Variants in PDSS2 observed in about 807,000 individuals in gnomAD.
The protein encoded by PDSS2 is decaprenyl diphosphate synthase subunit 2, also known as all trans-polyprenyl-diphosphate synthase PDSS2.
A neutral mutation model predicts 44.5 loss-of-function variants in PDSS2; 31 were observed. That is an observed-to-expected ratio of 0.70 (90% confidence interval 0.52 to 0.94). PDSS2 has a LOEUF of 0.94. PDSS2 is among the 40% of genes least tolerant of loss of function. The pLI, the probability that PDSS2 is intolerant of heterozygous loss-of-function variation, is 0.00. For missense variants in PDSS2, 452 were observed against 482.2 expected (o/e 0.94, Z 0.59); for synonymous variants, 157 against 180.3 (o/e 0.87, Z 1.03).
rs937639170 is a variant in PDSS2 at position 107,285,630 on chromosome 6, T to A, written c.432-11403A>T. The stretch of plus-strand genomic sequence containing the variant: ...ACAATTCAAATCATTAGGGAAAAGA[T>A]GGATTATTCTTACAAATGATATTGG... On this transcript the variant is annotated intron_variant, in intron 2 of 7. Transcript: ENST00000369037. Among the ~76,000 whole-genome samples the A allele has an allele frequency of 2.0e-5, 3 of 152,160 alleles. No individual in the cohort carries two copies. In the South Asian group the frequency reaches 6.2e-4, roughly 32 times the overall value.
chr6:107,258,910 A>G (rs559319680), intron 3 of PDSS2, among the ~76,000 whole-genome samples: 2 of 152,368 alleles, frequency 1.3e-5, no homozygotes, highest in South Asian at 4.1e-4. Flanking sequence ...CAGGATTGAT[A>G]ACTGCAAAAT....
intron 2 of PDSS2, among the ~76,000 whole-genome samples, chr6:107,278,786 G>C (rs1488097263): frequency 6.6e-6 from 1 of 152,044 alleles, no homozygotes; most frequent in Non-Finnish European, 1.5e-5. Context: ...TACAGGGTCT[G>C]CCATTTAAAA....
At chr6:107,453,375 T>TA (rs950405890) in intron 1 of PDSS2, among the ~76,000 whole-genome samples, 2 of 152,200 alleles carry the variant, frequency 1.3e-5, no homozygotes, top group Admixed American at 6.5e-5. Context: ...CATTGATTTT[T>TA]AAAAAATACT....
Position 107,156,413 on chromosome 6 carries a change from C to T in PDSS2, c.1042-1636G>A, listed in dbSNP as rs542881210. On this transcript the variant is annotated intron_variant, in intron 7 of 7. Transcript: ENST00000369037. ...GTTTCACCGTGTTAGCCAGGATGGT[C>T]TCCATCTCCTGACCTTGTGATCCGC... Among the ~76,000 whole-genome samples, 24 of 152,146 alleles carry T rather than the reference C, an allele frequency of 1.6e-4. No homozygotes were observed. In the East Asian group the frequency reaches 4.5e-3, roughly 28 times the overall value.
chr6:107,406,708 C>T (rs1780330849), intron 1 of PDSS2, among the ~76,000 whole-genome samples: 1 of 152,184 alleles, frequency 6.6e-6, no homozygotes, highest in South Asian at 2.1e-4. Flanking sequence ...GCTAACTAAG[C>T]CCTTCAGCTA....
At chr6:107,326,104 CTTTTTTT>C (rs1177945820) in intron 2 of PDSS2, among the ~76,000 whole-genome samples, 2 of 136,238 alleles carry the variant, frequency 1.5e-5, no homozygotes, top group East Asian at 2.1e-4. Flanking sequence ...TTTCTTTTTT[CTTTTTTT>C]TTTTTTTTTG....
intron 1 of PDSS2, among the ~76,000 whole-genome samples, chr6:107,410,409 C>T (rs1780452935): frequency 6.6e-6 from 1 of 152,182 alleles, no homozygotes; most frequent in Non-Finnish European, 1.5e-5. Flanking sequence ...CACACACACC[C>T]ATAAAACACT....
At chr6:107,342,340 T>C (rs763342075) in intron 1 of PDSS2, among the ~76,000 whole-genome samples, 13 of 152,162 alleles carry the variant, frequency 8.5e-5, no homozygotes, top group Non-Finnish European at 1.5e-4. Flanking sequence ...CATCCAACCA[T>C]TCAGCTCTGA....
intron 1 of PDSS2, among the ~76,000 whole-genome samples, chr6:107,419,226 A>G (rs1357738601): frequency 6.6e-6 from 1 of 152,210 alleles, no homozygotes; most frequent in East Asian, 1.9e-4. Context: ...AGAAATGGAT[A>G]TCAATCTAAA....
chr6:107,359,027 T>TC (rs1778677924), intron 1 of PDSS2, among the ~76,000 whole-genome samples: 1 of 149,246 alleles, frequency 6.7e-6, no homozygotes, highest in African/African-American at 2.5e-5. Context: ...TTTTTTTTTT[T>TC]TGAGATGAGT....
chr6:107,396,086 G>C (rs913452976), intron 1 of PDSS2, among the ~76,000 whole-genome samples: 1 of 152,076 alleles, frequency 6.6e-6, no homozygotes, highest in African/African-American at 2.4e-5. Context: ...ATGATTTCTG[G>C]TCCTGTATGT....
chr6:107,405,537 C>T (rs539455860), intron 1 of PDSS2, among the ~76,000 whole-genome samples: 117 of 152,008 alleles, frequency 7.7e-4, no homozygotes, highest in Non-Finnish European at 1.5e-3. Context: ...AATGTAAATG[C>T]ATTAAATGCT....
intron 2 of PDSS2, among the ~76,000 whole-genome samples, chr6:107,295,159 C>T (rs1279431753): frequency 6.6e-6 from 1 of 152,138 alleles, no homozygotes; most frequent in East Asian, 1.9e-4. Flanking sequence ...GTCTTGAACT[C>T]CTGACCTTAG....
chr6:107,212,258 C>T lies in PDSS2; in HGVS notation c.727G>A (p.Gly243Arg), dbSNP rs1330739230. 1.2e-6 allele frequency: 2 copies of T among 1,613,330 alleles called. No homozygotes were observed. The highest frequency in any genetic ancestry group is 1.7e-6 in the Non-Finnish European group (2 of 1,179,494). The change falls in exon 5 of 8, where the codon GGA becomes AGA. Residue 243 changes from glycine (G) to arginine (R), a missense_variant. By Grantham distance (125) the Gly-to-Arg change is moderately radical. Transcript: ENST00000369037. The part of the protein sequence containing the change: ...SKESYITDDI[G>R]ISTWKEQTFL... Reference sequence around the variant, plus strand: ...GTCTGCTCCTTCCAAGTCGATATTCCAATATCATCTGTGATATAACTTTCC... The same window carrying T: ...GTCTGCTCCTTCCAAGTCGATATTCTAATATCATCTGTGATATAACTTTCC...
rs574247009 is a variant in PDSS2 at position 107,457,295 on chromosome 6, C to T, written c.296+1695G>A. On this transcript the variant is annotated intron_variant, in intron 1 of 7. Transcript: ENST00000369037. ...TAAATACCCTGCTTATGATATTACA[C>T]CATCGTTTCAAAAGATGTTACCATT... Among the ~76,000 whole-genome samples, 13 of 152,230 alleles carry T rather than the reference C, an allele frequency of 8.5e-5. No individual in the cohort carries two copies. In the South Asian group the frequency reaches 2.7e-3, roughly 32 times the overall value.
chr6:107,432,176 G>T lies in PDSS2; in HGVS notation c.296+26814C>A, dbSNP rs188518180. Among the ~76,000 whole-genome samples the T allele has an allele frequency of 7.2e-5, 11 of 152,268 alleles. No individual in the cohort carries two copies. In the East Asian group the frequency reaches 9.6e-4, roughly 13 times the overall value. ...AATAATATCTAGCAGGAATTTAAAA[G>T]AAATTTTTCACTGGGTAATCAACAC... is the stretch of plus-strand genomic sequence containing the variant. On this transcript the variant is annotated intron_variant, in intron 1 of 7. Transcript: ENST00000369037.
chr6:107,272,362 A>T (rs1775630346), intron 3 of PDSS2, among the ~76,000 whole-genome samples: 1 of 152,190 alleles, frequency 6.6e-6, no homozygotes, highest in Non-Finnish European at 1.5e-5. Flanking sequence ...ACACTGATCC[A>T]ACCTTCAAAG....
At chr6:107,371,462 C>T (rs1453249298) in intron 1 of PDSS2, among the ~76,000 whole-genome samples, 3 of 152,144 alleles carry the variant, frequency 2.0e-5, no homozygotes, top group Admixed American at 1.3e-4. Flanking sequence ...CAAGTGGCAA[C>T]TTGAGACTAT....
At chr6:107,320,148 C>T (rs1292628126) in intron 2 of PDSS2, among the ~76,000 whole-genome samples, 1 of 152,134 alleles carries the variant, frequency 6.6e-6, no homozygotes, top group Admixed American at 6.5e-5. Flanking sequence ...AAAAGTCTGC[C>T]AGCTTTCTAC....
Sources: allele counts gnomAD v4.1 joint callset (sites outside exome capture counted in the v4.1 genomes callset), GRCh38; gene constraint gnomAD v4.1.1; transcripts MANE v1.5; gene names NCBI Gene and HGNC (gene_info 2026-07-23, HGNC 2026-07-21).